Variants in FAM162A observed in about 807,000 individuals in gnomAD.
FAM162A encodes protein FAM162A.
Under a neutral mutation model 21.8 loss-of-function variants are expected in FAM162A, and 23 were observed. The observed-to-expected ratio is 1.05, with a 90% CI of 0.76 to 1.49. The LOEUF is 1.49. FAM162A is among the 40% of genes most tolerant of loss of function. The pLI is 0.00. For synonymous variants in FAM162A, 53 were observed against 61.3 expected, an observed-to-expected ratio of 0.86 and a Z score of 0.64; for missense variants, 165 against 186.4, an observed-to-expected ratio of 0.89 and a Z score of 0.67.
At chr3:122,384,422 C>G in intron 1 of FAM162A, 123 bp downstream of exon 1, 2 of 1,190,276 alleles carry the variant, frequency 1.7e-6, no homozygotes, top group Non-Finnish European at 2.4e-6. Context: ...CTCGGTTCCT[C>G]AGAATCCTAC....
At chr3:122,396,724 C>T (rs566995405) in intron 1 of FAM162A, among the ~76,000 whole-genome samples, 5 of 152,082 alleles carry the variant, frequency 3.3e-5, no homozygotes, top group Non-Finnish European at 4.4e-5. Flanking sequence ...AAGTGGAAAC[C>T]ACCCAAATGT....
At chr3:122,400,130 C>T (rs2075646378) in intron 1 of FAM162A, among the ~76,000 whole-genome samples, 1 of 152,090 alleles carries the variant, frequency 6.6e-6, no homozygotes. Flanking sequence ...ACCCAAATGC[C>T]CATCAGCGAT....
chr3:122,406,587 C>T (rs2075677222), intron 3 of FAM162A, among the ~76,000 whole-genome samples: 2 of 152,242 alleles, frequency 1.3e-5, no homozygotes, highest in Admixed American at 6.5e-5. Context: ...CACTTTGGCA[C>T]TTGCCAAAGA....
chr3:122,404,658 T>C (rs1443063635), intron 3 of FAM162A, among the ~76,000 whole-genome samples: 1 of 152,238 alleles, frequency 6.6e-6, no homozygotes, highest in African/African-American at 2.4e-5. Flanking sequence ...TTAAAGTTTG[T>C]TTTTAATCTA....
At chr3:122,403,667 A>G (rs540673023) in intron 2 of FAM162A, among the ~76,000 whole-genome samples, 1 of 152,174 alleles carries the variant, frequency 6.6e-6, no homozygotes, top group South Asian at 2.1e-4. Flanking sequence ...TAGTTACAAT[A>G]CTGCTGTTGT....
chr3:122,390,340 C>T (rs2075596679), intron 1 of FAM162A, among the ~76,000 whole-genome samples: 1 of 152,142 alleles, frequency 6.6e-6, no homozygotes, highest in Non-Finnish European at 1.5e-5. Flanking sequence ...GTTTCTGTCA[C>T]AAAGCCCAGG....
At chr3:122,406,619 C>T (rs1486661172) in intron 3 of FAM162A, among the ~76,000 whole-genome samples, 1 of 152,222 alleles carries the variant, frequency 6.6e-6, no homozygotes, top group Non-Finnish European at 1.5e-5. Context: ...AGTTCACTGT[C>T]ACTCAATTTT....
Position 122,409,868 on chromosome 3 carries a change from G to C in FAM162A, c.*37G>C. The stretch of plus-strand genomic sequence containing the variant: ...GTGTTGGCTGGATTTTGAAAATCCA[G>C]GAATTATGTTATAACGTGCCTGTAT... On this transcript the variant is annotated 3_prime_UTR_variant, in exon 5 of 5. Coordinates refer to ENST00000477892, the MANE Select transcript of FAM162A (RefSeq NM_014367.4). 6.4e-7 allele frequency: 1 copy of C among 1,564,568 alleles called. No individual in the cohort carries two copies.
rs375211869 is a variant in FAM162A, at chr3:122,402,883, G to C, written c.157+1G>C. 6.3e-7 allele frequency: 1 copy of C among 1,583,012 alleles called. No homozygotes were observed. Among genetic ancestry groups the C allele is most frequent in the Non-Finnish European group, 8.5e-7 (1 of 1,171,088 alleles). On this transcript the variant is annotated splice_donor_variant, in intron 2 of 4. Coordinates refer to ENST00000477892, the MANE Select transcript of FAM162A (RefSeq NM_014367.4). LOFTEE classifies it high-confidence loss of function. Reference sequence around the variant, plus strand: ...CAGGAAAGTCCCGGAGCTCCATCCCGTAAGTTTTTATTTTTTCTATTTATG... The same window carrying C: ...CAGGAAAGTCCCGGAGCTCCATCCCCTAAGTTTTTATTTTTTCTATTTATG...
chr3:122,392,190 TAGG>T lies in FAM162A; in HGVS notation c.34+7896_34+7898del, dbSNP rs373868530. Among the ~76,000 whole-genome samples the T allele has an allele frequency of 2.8e-3, 420 of 152,316 alleles. 2 individuals carry two copies. Among genetic ancestry groups the T allele is most frequent in the African/African-American group, 9.8e-3 (406 of 41,580 alleles). Reference sequence around the variant, plus strand: ...TCCTAAACTGCCTTTGTTCTATAATTAGGAGGAATGGGAAAGGACAGCTGTCTT... The same window carrying T: ...TCCTAAACTGCCTTTGTTCTATAATTAGGAATGGGAAAGGACAGCTGTCTT... On this transcript the variant is annotated intron_variant, in intron 1 of 4. Coordinates refer to ENST00000477892, the MANE Select transcript of FAM162A (RefSeq NM_014367.4).
chr3:122,390,927 G>A (rs1419043270), intron 1 of FAM162A, among the ~76,000 whole-genome samples: 1 of 152,160 alleles, frequency 6.6e-6, no homozygotes, highest in Non-Finnish European at 1.5e-5. Context: ...GTCAGCCAGG[G>A]ACAAGCTGTT....
At chr3:122,403,114 GC>G (rs1303951256) in intron 2 of FAM162A, among the ~76,000 whole-genome samples, 2 of 151,640 alleles carry the variant, frequency 1.3e-5, no homozygotes, top group Non-Finnish European at 2.9e-5. Flanking sequence ...TCATATGCAG[GC>G]CCATCTTCCT....
intron 4 of FAM162A, 67 bp from the exon 5 acceptor site, chr3:122,409,672 G>A: frequency 7.1e-7 from 1 of 1,404,642 alleles, no homozygotes; most frequent in Non-Finnish European, 1.0e-6. Flanking sequence ...GCTGTCATCA[G>A]TGCAAGGTAA....
intron 1 of FAM162A, among the ~76,000 whole-genome samples, chr3:122,398,055 A>T (rs1237730524): frequency 6.6e-6 from 1 of 152,052 alleles, no homozygotes; most frequent in Non-Finnish European, 1.5e-5. Context: ...TGGGATTAAA[A>T]GGAACAACTG....
intron 1 of FAM162A, among the ~76,000 whole-genome samples, chr3:122,395,886 ACT>A (rs1291592321): frequency 6.6e-6 from 1 of 152,138 alleles, no homozygotes; most frequent in Admixed American, 6.5e-5. Context: ...CCAGAAATAT[ACT>A]CTCATATTTA....
rs3838601 is a variant in FAM162A at position 122,402,716 on chromosome 3, TTTTCTTTC to T, written c.35-32_35-25del. 2.1e-4 allele frequency: 308 copies of T among 1,466,522 alleles called. 1 individual carries two copies. In the East Asian group the frequency reaches 6.5e-3, roughly 31 times the overall value. 90.8% of individuals were successfully genotyped at this position (1,466,522 alleles called of 1,614,324 possible). Reference sequence around the variant, plus strand: ...TTTCTTATTTTGAGAAAACATCACATTTTCTTTCTTTCTTTCTTTGAAACATTTTCCTC... The same window carrying T: ...TTTCTTATTTTGAGAAAACATCACATTTTCTTTCTTTGAAACATTTTCCTC... On this transcript the variant is annotated intron_variant, in intron 1 of 4. Coordinates refer to ENST00000477892, the MANE Select transcript of FAM162A (RefSeq NM_014367.4).
At chr3:122,400,607 C>G (rs942603078) in intron 1 of FAM162A, among the ~76,000 whole-genome samples, 1 of 152,006 alleles carries the variant, frequency 6.6e-6, no homozygotes, top group Admixed American at 6.5e-5. Context: ...GGCGGATCAC[C>G]TAAGGTCAGG....
rs1223109423 is a variant in FAM162A, at chr3:122,409,933, G to A, written c.*102G>A. The A allele has an allele frequency of 9.9e-7, 1 of 1,011,204 alleles. No individual in the cohort carries two copies. Among genetic ancestry groups the A allele is most frequent in the Non-Finnish European group, 1.5e-6 (1 of 645,946 alleles). 62.6% of individuals were successfully genotyped at this position (1,011,204 alleles called of 1,614,324 possible). On this transcript the variant is annotated 3_prime_UTR_variant, in exon 5 of 5. Coordinates refer to ENST00000477892, the MANE Select transcript of FAM162A (RefSeq NM_014367.4). ...TATGAGGATCCATTTCATAAAGTATGATTTGCCCAAACCTGTACCATTTCC... is the reference window on the plus strand; with the variant it reads ...TATGAGGATCCATTTCATAAAGTATAATTTGCCCAAACCTGTACCATTTCC...
chr3:122,410,570 T>C lies in FAM162A; in HGVS notation c.*739T>C, dbSNP rs993606739. 14 of 152,250 alleles carry C rather than the reference T, an allele frequency of 9.2e-5. No individual in the cohort carries two copies. Among genetic ancestry groups the C allele is most frequent in the African/African-American group, 3.4e-4 (14 of 41,450 alleles). 9.4% of individuals were successfully genotyped at this position (152,250 alleles called of 1,614,324 possible). ...TATTTGCACCTCATATATATCTCATTTACAGTTTGACCTTGGGATATCGAG... is the reference window on the plus strand; with the variant it reads ...TATTTGCACCTCATATATATCTCATCTACAGTTTGACCTTGGGATATCGAG... On this transcript the variant is annotated 3_prime_UTR_variant, in exon 5 of 5. Coordinates refer to ENST00000477892, the MANE Select transcript of FAM162A (RefSeq NM_014367.4).
Sources: allele counts gnomAD v4.1 joint callset (sites outside exome capture counted in the v4.1 genomes callset), GRCh38; gene constraint gnomAD v4.1.1; transcripts MANE v1.5; gene names NCBI Gene and HGNC (gene_info 2026-07-23, HGNC 2026-07-21).